FRMD4B: variants seen among roughly 807,000 people sequenced by gnomAD.
FRMD4B encodes FERM domain-containing protein 4B.
Under a neutral mutation model 141.5 loss-of-function variants are expected in FRMD4B, and 74 were observed. The observed-to-expected ratio is 0.52, with a 90% CI of 0.43 to 0.63. FRMD4B has a LOEUF of 0.63. FRMD4B is among the 30% of genes least tolerant of loss of function. The pLI is 0.00. For synonymous variants in FRMD4B, 506 were observed against 467.9 expected (o/e 1.08, Z -1.05); for missense variants, 1,366 against 1,253.4 (o/e 1.09, Z -1.36).
chr3:69,243,421 G>A (rs1336896474), intron 7 of FRMD4B, among the ~76,000 whole-genome samples: 2 of 152,218 alleles, frequency 1.3e-5, no homozygotes, highest in African/African-American at 4.8e-5. Context: ...AGATACTAAG[G>A]AGTATGCACA....
chr3:69,433,372 C>T (rs1001511497), intron 1 of FRMD4B, among the ~76,000 whole-genome samples: 2 of 152,228 alleles, frequency 1.3e-5, no homozygotes, highest in Admixed American at 1.3e-4. Context: ...CATGCTTCTC[C>T]TTTGTCACTT....
At chr3:69,251,432 G>A (rs989758871) in intron 5 of FRMD4B, among the ~76,000 whole-genome samples, 8 of 152,146 alleles carry the variant, frequency 5.3e-5, no homozygotes, top group African/African-American at 1.4e-4. Flanking sequence ...AGGTTTCCAC[G>A]TGATTTGAAG....
intron 2 of FRMD4B, among the ~76,000 whole-genome samples, chr3:69,430,833 G>C (rs933334245): frequency 1.3e-5 from 2 of 152,186 alleles, no homozygotes. Context: ...GACTGGCAAG[G>C]ATGAAACAAC....
chr3:69,285,098 GGTT>G (rs1295806276), intron 5 of FRMD4B, among the ~76,000 whole-genome samples: 1 of 152,210 alleles, frequency 6.6e-6, no homozygotes, highest in Non-Finnish European at 1.5e-5. Flanking sequence ...AGGAGGTGGA[GGTT>G]GTGGTGAGCC....
At chr3:69,331,388 A>G (rs906774566) in intron 1 of FRMD4B, among the ~76,000 whole-genome samples, 1 of 152,222 alleles carries the variant, frequency 6.6e-6, no homozygotes, top group African/African-American at 2.4e-5. Flanking sequence ...CAGGTATGAT[A>G]TCTGATGCTG....
At chr3:69,263,874 G>C (rs1303566751) in intron 5 of FRMD4B, among the ~76,000 whole-genome samples, 2 of 140,558 alleles carry the variant, frequency 1.4e-5, no homozygotes, top group African/African-American at 5.4e-5. Flanking sequence ...GCCCAGGCTG[G>C]AGGTGCAGTG....
intron 1 of FRMD4B, among the ~76,000 whole-genome samples, chr3:69,444,548 C>T (rs1414021617): frequency 6.6e-6 from 1 of 152,148 alleles, no homozygotes; most frequent in Non-Finnish European, 1.5e-5. Context: ...TATGAGACTT[C>T]AACATCTCAT....
intron 2 of FRMD4B, among the ~76,000 whole-genome samples, chr3:69,428,615 A>G (rs182901172): frequency 6.6e-6 from 1 of 152,068 alleles, no homozygotes; most frequent in East Asian, 2.0e-4. Flanking sequence ...GGTATTTTAA[A>G]CTATTAACAC....
At chr3:69,540,656 TATATACAC>T (rs1464224596) in intron 1 of FRMD4B, among the ~76,000 whole-genome samples, 21 of 75,554 alleles carry the variant, frequency 2.8e-4, no homozygotes, top group South Asian at 1.7e-3. Flanking sequence ...TATATATATA[TATATACAC>T]ACACACACAC....
At chr3:69,239,849 C>A (rs1286368615) in intron 7 of FRMD4B, among the ~76,000 whole-genome samples, 2 of 151,922 alleles carry the variant, frequency 1.3e-5, no homozygotes, top group African/African-American at 4.8e-5. Context: ...CTCAAGAGTT[C>A]GAGACCAGCC....
At chr3:69,537,894 T>A (rs956226134) in intron 1 of FRMD4B, among the ~76,000 whole-genome samples, 2 of 152,230 alleles carry the variant, frequency 1.3e-5, no homozygotes, top group Admixed American at 1.3e-4. Flanking sequence ...TTCCTGCAAC[T>A]GTATTCATGT....
chr3:69,504,300 T>C (rs530642770), intron 1 of FRMD4B, among the ~76,000 whole-genome samples: 9 of 152,290 alleles, frequency 5.9e-5, no homozygotes, highest in African/African-American at 2.2e-4. Context: ...GGATGAATAC[T>C]TTTTTTAACA....
At chr3:69,358,903 C>G (rs1703397050) in intron 1 of FRMD4B, among the ~76,000 whole-genome samples, 3 of 152,090 alleles carry the variant, frequency 2.0e-5, no homozygotes, top group Admixed American at 2.0e-4. Flanking sequence ...ACCTGTGCAC[C>G]CTTCTGCCTT....
intron 1 of FRMD4B, among the ~76,000 whole-genome samples, chr3:69,468,677 A>G (rs1305693622): frequency 2.6e-5 from 4 of 152,200 alleles, no homozygotes; most frequent in Non-Finnish European, 1.5e-5. Context: ...TGATGCTCAG[A>G]ACTGGAGCAG....
At chr3:69,284,777 A>G (rs1700613333) in intron 5 of FRMD4B, among the ~76,000 whole-genome samples, 2 of 152,228 alleles carry the variant, frequency 1.3e-5, no homozygotes, top group South Asian at 4.1e-4. Flanking sequence ...AAAGGCATTA[A>G]AACAATTATT....
chr3:69,279,742 C>T (rs1575686655), intron 5 of FRMD4B, among the ~76,000 whole-genome samples: 1 of 100,268 alleles, frequency 1.0e-5, no homozygotes, highest in Non-Finnish European at 2.0e-5. Context: ...CTCCTCTTCC[C>T]CTCCTCCTCC....
chr3:69,251,847 G>A (rs895101141), intron 5 of FRMD4B, among the ~76,000 whole-genome samples: 12 of 152,184 alleles, frequency 7.9e-5, no homozygotes, highest in Non-Finnish European at 1.3e-4. Flanking sequence ...TGTTGATAAA[G>A]ATTAAATTTT....
rs2092566903 is a variant in FRMD4B at position 69,169,799 on chromosome 3, T to C, written c.*2062A>G. Reference sequence around the variant, plus strand: ...TGCAAGATACATGTATGGAAATATATTTCATTTCCACTCCCTTCTCCACAT... The same window carrying C: ...TGCAAGATACATGTATGGAAATATACTTCATTTCCACTCCCTTCTCCACAT... On this transcript the variant is annotated 3_prime_UTR_variant, in exon 23 of 23. Transcript: ENST00000398540. Among the ~76,000 whole-genome samples, 1 of 152,190 alleles carries C rather than the reference T, an allele frequency of 6.6e-6. No individual in the cohort carries two copies. Among genetic ancestry groups the C allele is most frequent in the South Asian group, 2.1e-4 (1 of 4,830 alleles).
intron 1 of FRMD4B, among the ~76,000 whole-genome samples, chr3:69,334,988 A>G (rs757783023): frequency 1.3e-5 from 2 of 152,184 alleles, no homozygotes; most frequent in Non-Finnish European, 2.9e-5. Context: ...GAGAGTTGTT[A>G]CTTTAGACAG....
Sources: allele counts gnomAD v4.1 joint callset (sites outside exome capture counted in the v4.1 genomes callset), GRCh38; gene constraint gnomAD v4.1.1; transcripts MANE v1.5; gene names NCBI Gene and HGNC (gene_info 2026-07-23, HGNC 2026-07-21).